Variants in VWA8 observed in about 807,000 individuals in gnomAD.
VWA8 encodes the protein von Willebrand factor A domain containing 8.
In VWA8, 221 loss-of-function variants were observed where a neutral mutation model predicts 241.5. The observed-to-expected ratio is 0.91, with a 90% CI of 0.82 to 1.02. VWA8 has a LOEUF of 1.02. Among genes scored for constraint, VWA8 ranks in the 50% least tolerant of loss-of-function variants. The probability of loss-of-function intolerance (pLI) is 0.00; values close to 1 mark genes in which losing one functional copy is unlikely to be tolerated. For missense variants in VWA8, 2,322 were observed against 2,328.7 expected (o/e 1.00, Z 0.06); for synonymous variants, 852 against 827.1 (o/e 1.03, Z -0.52).
At chr13:41,898,087 T>TTCACAAACCC (rs1566498848) in intron 4 of VWA8, among the ~76,000 whole-genome samples, 2 of 144,904 alleles carry the variant, frequency 1.4e-5, no homozygotes, top group African/African-American at 5.1e-5. Context: ...GATTGGTGCA[T>TTCACAAACCC]TCACAAACCC....
intron 37 of VWA8, among the ~76,000 whole-genome samples, chr13:41,661,744 C>T (rs78602128): frequency 1.3e-5 from 2 of 152,200 alleles, no homozygotes; most frequent in Non-Finnish European, 2.9e-5. Context: ...TTATTGTATA[C>T]ATGGCATTGT....
Position 41,865,895 on chromosome 13 carries a change from T to A in VWA8, c.1347+7A>T, listed in dbSNP as rs779254187. 2 of 1,614,208 alleles carry A rather than the reference T, an allele frequency of 1.2e-6. No individual in the cohort carries two copies. Among genetic ancestry groups the A allele is most frequent in the South Asian group, 2.2e-5 (2 of 91,088 alleles). On this transcript the variant is annotated splice_region_variant and intron_variant, in intron 11 of 44. Transcript: ENST00000379310. Reference sequence around the variant, plus strand: ...CTAAAAGTCTGCAGTGAGACTGTCATTCTTACCTTTCCTCCAATTAAACAT... The same window carrying A: ...CTAAAAGTCTGCAGTGAGACTGTCAATCTTACCTTTCCTCCAATTAAACAT...
At chr13:41,592,010 T>C (rs1459478325) in intron 40 of VWA8, among the ~76,000 whole-genome samples, 1 of 149,402 alleles carries the variant, frequency 6.7e-6, no homozygotes, top group African/African-American at 2.5e-5. Context: ...TAAAGACACA[T>C]GCACACGTAT....
chr13:41,723,437 G>T (rs1378578532), intron 24 of VWA8, among the ~76,000 whole-genome samples: 1 of 152,166 alleles, frequency 6.6e-6, no homozygotes, highest in East Asian at 1.9e-4. Context: ...TAAAAGTAGA[G>T]TAAACTCTTA....
intron 29 of VWA8, among the ~76,000 whole-genome samples, chr13:41,696,829 C>A (rs2045218443): frequency 6.6e-6 from 1 of 152,224 alleles, no homozygotes; most frequent in African/African-American, 2.4e-5. Context: ...ATTTTCAAAT[C>A]ATTGATTCTT....
chr13:41,697,442 A>T (rs1169827272), intron 29 of VWA8, among the ~76,000 whole-genome samples: 1 of 152,028 alleles, frequency 6.6e-6, no homozygotes. Context: ...AAGACTCTAC[A>T]CCAGTGGCCC....
intron 12 of VWA8, among the ~76,000 whole-genome samples, chr13:41,847,930 C>T (rs2138025245): frequency 6.6e-6 from 1 of 152,274 alleles, no homozygotes; most frequent in East Asian, 1.9e-4. Context: ...TTCTTAAAAA[C>T]TCTATAAAGT....
At chr13:41,952,626 C>T (rs901126370) in intron 1 of VWA8, among the ~76,000 whole-genome samples, 1 of 152,094 alleles carries the variant, frequency 6.6e-6, no homozygotes. Flanking sequence ...TTTTCAGGCA[C>T]AGGTTCTCAT....
intron 2 of VWA8, among the ~76,000 whole-genome samples, chr13:41,916,576 C>T (rs1217957773): frequency 6.6e-6 from 1 of 152,210 alleles, no homozygotes; most frequent in African/African-American, 2.4e-5. Context: ...GAAAATCCAA[C>T]TTTCACTTAT....
intron 26 of VWA8, among the ~76,000 whole-genome samples, chr13:41,708,811 C>T (rs764511076): frequency 6.6e-6 from 1 of 152,186 alleles, no homozygotes; most frequent in Non-Finnish European, 1.5e-5. Flanking sequence ...TAGTTTAGTG[C>T]TGTTGCCCAG....
chr13:41,834,738 C>T (rs914451088), intron 12 of VWA8, among the ~76,000 whole-genome samples: 1 of 152,054 alleles, frequency 6.6e-6, no homozygotes, highest in African/African-American at 2.4e-5. Context: ...TGAGTATATA[C>T]CCCAAGGGAT....
At chr13:41,938,606 G>A (rs1877457252) in intron 2 of VWA8, among the ~76,000 whole-genome samples, 1 of 150,324 alleles carries the variant, frequency 6.7e-6, no homozygotes, top group South Asian at 2.1e-4. Context: ...AGCCAAGATT[G>A]CGCCACTGCA....
At chr13:41,923,851 G>A (rs758177476) in intron 2 of VWA8, among the ~76,000 whole-genome samples, 6 of 151,102 alleles carry the variant, frequency 4.0e-5, no homozygotes, top group Admixed American at 1.3e-4. Context: ...CTGCTCCAAC[G>A]TGCCCAACCA....
chr13:41,801,345 A>G (rs1869952244), intron 17 of VWA8, among the ~76,000 whole-genome samples: 1 of 152,310 alleles, frequency 6.6e-6, no homozygotes, highest in African/African-American at 2.4e-5. Context: ...AGCTGGATAC[A>G]CACAAGAACA....
chr13:41,923,380 C>T (rs1422070644), intron 2 of VWA8, among the ~76,000 whole-genome samples: 1 of 152,060 alleles, frequency 6.6e-6, no homozygotes, highest in Non-Finnish European at 1.5e-5. Context: ...CACATGTATA[C>T]ATATGTAACT....
chr13:41,783,639 GAAA>G (rs150170475), intron 19 of VWA8, among the ~76,000 whole-genome samples, 153 bp downstream of exon 19: 3 of 111,810 alleles, frequency 2.7e-5, no homozygotes, highest in African/African-American at 3.2e-5. Flanking sequence ...CTGCATCACA[GAAA>G]AAAAAAAAAA....
chr13:41,690,835 A>G (rs2045171866), intron 32 of VWA8, among the ~76,000 whole-genome samples: 1 of 152,250 alleles, frequency 6.6e-6, no homozygotes, highest in South Asian at 2.1e-4. Context: ...GCCTTTCATC[A>G]AGAACTGCAC....
chr13:41,671,282 C>A, intron 36 of VWA8, 135 bp from the exon 37 acceptor site: 3 of 944,172 alleles, frequency 3.2e-6, no homozygotes, highest in Non-Finnish European at 4.8e-6. Flanking sequence ...GCTCTTACCT[C>A]TGTCACCACA....
chr13:41,959,553 G>C (rs1325947974), intron 1 of VWA8, among the ~76,000 whole-genome samples: 1 of 148,590 alleles, frequency 6.7e-6, no homozygotes, highest in Non-Finnish European at 1.5e-5. Flanking sequence ...GTGGGGGACG[G>C]GGGTGGTGTA....
Sources: gnomAD v4.1 joint callset for allele counts (sites outside exome capture counted in the v4.1 genomes callset) on GRCh38, gnomAD v4.1.1 for gene constraint, MANE v1.5 for transcripts, NCBI Gene and HGNC (gene_info 2026-07-23, HGNC 2026-07-21) for gene names.